The following NEMP1 variants were observed in gnomAD, a reference collection of about 807,000 sequenced individuals.
NEMP1 encodes nuclear envelope integral membrane protein 1.
NEMP1 carries 29 observed loss-of-function variants against 53.7 expected under a neutral mutation model. That is an observed-to-expected ratio of 0.54 (90% CI 0.40 to 0.74). NEMP1 has a LOEUF of 0.74. Ranked by LOEUF, NEMP1 falls within the 30% of genes least tolerant of loss-of-function variation. NEMP1 has a pLI of 0.00. For missense variants in NEMP1, 477 were observed against 528.6 expected (o/e 0.90, Z 0.96); for synonymous variants, 193 against 192.9 (o/e 1.00, Z 0.00).
upstream of NEMP1, among the ~76,000 whole-genome samples, chr12:57,082,236 C>T (rs751776591): frequency 6.6e-6 from 1 of 152,038 alleles, no homozygotes; most frequent in African/African-American, 2.4e-5. Flanking sequence ...ACAACAACAA[C>T]AAAAACTCAA....
intron 4 of NEMP1, among the ~76,000 whole-genome samples, chr12:57,066,191 C>G (rs1181394472): frequency 6.6e-6 from 1 of 152,008 alleles, no homozygotes; most frequent in Non-Finnish European, 1.5e-5. Flanking sequence ...GGAGGCGGAG[C>G]TTGCAGTGAG....
intron 1 of NEMP1, among the ~76,000 whole-genome samples, chr12:57,087,285 C>T (rs2033030376): frequency 6.6e-6 from 1 of 151,516 alleles, no homozygotes. Context: ...TAAGGCTCAG[C>T]GCCGCCCCAA....
At chr12:57,074,976 G>C (rs1379642622) in intron 1 of NEMP1, among the ~76,000 whole-genome samples, 1 of 152,138 alleles carries the variant, frequency 6.6e-6, no homozygotes, top group Non-Finnish European at 1.5e-5. Context: ...TGTAATCGCA[G>C]CTTCTTGGGA....
rs559625216 is a variant in NEMP1 at position 57,070,872 on chromosome 12, A to G, written c.274T>C (p.Leu92=). Residue 92 remains leucine, a synonymous_variant, in exon 3 of 9, where the codon TTG becomes CTG. Transcript: ENST00000300128. The part of the protein sequence containing the change: ...RIQIRVNSSR[L]VRVTQVENEE... ...TTCTCCACCTGGGTGACTCGAACCA[A>G]TCTGGAACTATTTACTCGGATCTGT... 6 of 1,613,984 alleles carry G rather than the reference A, an allele frequency of 3.7e-6. No individual in the cohort carries two copies. The highest frequency in any genetic ancestry group is 1.6e-4 in the Middle Eastern group (1 of 6,062).
chr12:57,068,169 C>T (rs1460969947), intron 4 of NEMP1, among the ~76,000 whole-genome samples: 1 of 152,148 alleles, frequency 6.6e-6, no homozygotes, highest in Non-Finnish European at 1.5e-5. Context: ...CAACTTCAAA[C>T]TCCAATTGTT....
rs1185482440 is a variant in NEMP1 at position 57,060,856 on chromosome 12, T to C, written c.1070A>G (p.Lys357Arg). 2.5e-6 allele frequency: 4 copies of C among 1,614,202 alleles called. No individual in the cohort carries two copies. The Admixed American group carries it at 6.7e-5, about 27-fold the overall frequency. ...AAATTCTCGGAGCTCCTCTAAAGCCTTTCGGGTTTCTACCTCTCCTTGTAT... is the reference window on the plus strand; with the variant it reads ...AAATTCTCGGAGCTCCTCTAAAGCCCTTCGGGTTTCTACCTCTCCTTGTAT... ...YRIQGEVETR[K>R]ALEELREFCN... Residue 357 changes from lysine (K) to arginine (R), a missense_variant, in exon 8 of 9, where the codon AAG becomes AGG. By Grantham distance (26) the Lys-to-Arg change is conservative. Coordinates refer to ENST00000300128, the MANE Select transcript of NEMP1 (RefSeq NM_001130963.2).
At chr12:57,074,135 G>GT (rs377190460) in intron 1 of NEMP1, among the ~76,000 whole-genome samples, 413 of 142,100 alleles carry the variant, frequency 2.9e-3, no homozygotes, top group Middle Eastern at 0.011. Context: ...CACCCAGCTA[G>GT]TTTTTTTTTT....
chr12:57,065,404 G>A (rs1343269972), intron 4 of NEMP1, among the ~76,000 whole-genome samples: 2 of 152,172 alleles, frequency 1.3e-5, no homozygotes, highest in Non-Finnish European at 2.9e-5. Context: ...TCTTCTTCTA[G>A]TATAAGGCTA....
intron 1 of NEMP1, among the ~76,000 whole-genome samples, chr12:57,076,657 G>A (rs1206147254): frequency 6.6e-6 from 1 of 151,818 alleles, no homozygotes; most frequent in African/African-American, 2.4e-5. Context: ...AATACAAAAA[G>A]TTAGCCAGGC....
intron 6 of NEMP1, among the ~76,000 whole-genome samples, 178 bp downstream of exon 6, chr12:57,063,888 CTAATT>C (rs2031941805): frequency 6.6e-6 from 1 of 152,044 alleles, no homozygotes; most frequent in African/African-American, 2.4e-5. Context: ...CAGCACCATT[CTAATT>C]TAAGAGAAGG....
Position 57,078,748 on chromosome 12 carries a change from T to G in NEMP1, c.-3A>C, listed in dbSNP as rs200171450. ...GCCACTTTCATTCCTCCCGCCATGGTTGCCTCAAGCCACCTCCTCCTCACG... is the reference window on the plus strand; with the variant it reads ...GCCACTTTCATTCCTCCCGCCATGGGTGCCTCAAGCCACCTCCTCCTCACG... On this transcript the variant is annotated 5_prime_UTR_variant, in exon 1 of 9. Transcript: ENST00000300128. The G allele has an allele frequency of 7.5e-5, 120 of 1,610,614 alleles. No homozygotes were observed. The East Asian group carries it at 2.3e-3, about 31-fold the overall frequency.
chr12:57,060,992 A>G lies in NEMP1; in HGVS notation c.981-47T>C, dbSNP rs371230441. ...TATGAATCATTAATCAGTAATCTAT[A>G]TCCATCCTTACTTCTAGCTCCCTTC... On this transcript the variant is annotated intron_variant, in intron 7 of 8. Transcript: ENST00000300128. 4.2e-5 allele frequency: 66 copies of G among 1,585,948 alleles called. No individual in the cohort carries two copies. In the African/African-American group the frequency reaches 7.1e-4, roughly 17 times the overall value.
chr12:57,062,441 T>C (rs940261053), intron 7 of NEMP1, among the ~76,000 whole-genome samples: 94 of 137,736 alleles, frequency 6.8e-4, no homozygotes, highest in Middle Eastern at 9.6e-3. Flanking sequence ...GATCACGCCA[T>C]TGTGCTCCAG....
Position 57,057,938 on chromosome 12 carries a change from T to C in NEMP1, c.*1941A>G. ...ATTATTTTTTAAAATAAACTTATGC[T>C]TAAATATGCTAGGTCTCAATTTCTA... On this transcript the variant is annotated 3_prime_UTR_variant, in exon 9 of 9. Coordinates refer to ENST00000300128, the MANE Select transcript of NEMP1 (RefSeq NM_001130963.2). 1 of 152,214 alleles carries C rather than the reference T, an allele frequency of 6.6e-6. No homozygotes were observed. Among genetic ancestry groups the C allele is most frequent in the East Asian group, 1.9e-4 (1 of 5,196 alleles). 9.4% of individuals were successfully genotyped at this position (152,214 alleles called of 1,614,324 possible). A position where few individuals can be genotyped will look rare whatever the true frequency, so the allele number is the denominator to read the frequency against.
chr12:57,082,283 T>C (rs1457065244), upstream of NEMP1, among the ~76,000 whole-genome samples: 1 of 152,210 alleles, frequency 6.6e-6, no homozygotes. Context: ...TAGTTAATAA[T>C]AATGTTTCAA....
upstream of NEMP1, among the ~76,000 whole-genome samples, chr12:57,080,405 C>T (rs1376022272): frequency 2.6e-5 from 4 of 151,606 alleles, no homozygotes; most frequent in East Asian, 3.9e-4. Context: ...ATGGCAAAAC[C>T]CCGTCTCTAC....
chr12:57,071,693 T>TTTAAAGAA (rs749619934), intron 2 of NEMP1, among the ~76,000 whole-genome samples: 2 of 152,170 alleles, frequency 1.3e-5, no homozygotes, highest in Non-Finnish European at 2.9e-5. Context: ...AGACATTTTT[T>TTTAAAGAA]TTAAAGAATT....
At position 57,055,684 on chromosome 12, in the gene NEMP1, C is replaced by G. The variant is rs1050847173; in HGVS notation, c.*4195G>C. On this transcript the variant is annotated 3_prime_UTR_variant, in exon 9 of 9. Transcript: ENST00000300128. ...ATTAAAATTGGAATTAGAAACTATA[C>G]CAAAAACTTTAAAAATACATTAAGA... The G allele has an allele frequency of 5.3e-5, 8 of 152,078 alleles. No homozygotes were observed. The highest frequency in any genetic ancestry group is 1.9e-4 in the African/African-American group (8 of 41,396). The allele number at this position is 152,078 out of a possible 1,614,324, so 9.4% of individuals were successfully genotyped here. A position where few individuals can be genotyped will look rare whatever the true frequency, so the allele number is the denominator to read the frequency against.
intron 1 of NEMP1, among the ~76,000 whole-genome samples, chr12:57,087,018 G>A (rs954827822): frequency 2.0e-5 from 3 of 152,212 alleles, no homozygotes; most frequent in Non-Finnish European, 2.9e-5. Context: ...TCACACACGG[G>A]TTCGCACCCG....
Sources: gnomAD v4.1 joint callset for allele counts (sites outside exome capture counted in the v4.1 genomes callset) on GRCh38, gnomAD v4.1.1 for gene constraint, MANE v1.5 for transcripts, NCBI Gene and HGNC (gene_info 2026-07-23, HGNC 2026-07-21) for gene names.